Variants in EPHA5 observed in about 807,000 individuals in gnomAD.
EPHA5 encodes the protein ephrin type-A receptor 5.
Under a neutral mutation model 105.0 loss-of-function variants are expected in EPHA5, and 60 were observed. The ratio of observed to expected loss-of-function variants is 0.57; its 90% confidence interval spans 0.46 to 0.71. EPHA5 has a LOEUF of 0.71. Among genes scored for constraint, EPHA5 ranks in the 30% least tolerant of loss-of-function variants. EPHA5 has a pLI of 0.00. For synonymous variants in EPHA5, 513 were observed against 449.1 expected (o/e 1.14, Z -1.80); for missense variants, 1,218 against 1,274.7 (o/e 0.96, Z 0.68).
intron 2 of EPHA5, among the ~76,000 whole-genome samples, chr4:65,625,916 G>A (rs542474098): frequency 5.7e-4 from 87 of 151,996 alleles, no homozygotes; most frequent in Non-Finnish European, 1.1e-3. Flanking sequence ...TCGAGACCAC[G>A]GTGAAACCCC....
At chr4:65,643,862 A>C (rs1337172085) in intron 1 of EPHA5, among the ~76,000 whole-genome samples, 1 of 152,078 alleles carries the variant, frequency 6.6e-6, no homozygotes, top group Non-Finnish European at 1.5e-5. Flanking sequence ...GCAGCAATTA[A>C]CAAATAATTT....
At chr4:65,423,068 T>C (rs1186833359) in intron 5 of EPHA5, among the ~76,000 whole-genome samples, 4 of 152,186 alleles carry the variant, frequency 2.6e-5, no homozygotes, top group South Asian at 4.1e-4. Context: ...CTCTTGGTTA[T>C]GGCAGTTTTT....
intron 1 of EPHA5, among the ~76,000 whole-genome samples, chr4:65,651,161 A>T (rs1748573843): frequency 6.6e-6 from 1 of 152,220 alleles, no homozygotes; most frequent in Non-Finnish European, 1.5e-5. Context: ...TGATACAGTC[A>T]TCGAGAGAAA....
intron 3 of EPHA5, among the ~76,000 whole-genome samples, chr4:65,498,882 C>T (rs1016100001): frequency 6.6e-6 from 1 of 151,646 alleles, no homozygotes; most frequent in African/African-American, 2.4e-5. Context: ...TTATTCATCA[C>T]CTTCAAATCA....
intron 1 of EPHA5, among the ~76,000 whole-genome samples, chr4:65,644,212 A>G (rs1193581493): frequency 6.6e-6 from 1 of 151,784 alleles, no homozygotes; most frequent in Non-Finnish European, 1.5e-5. Flanking sequence ...ATCTACACAC[A>G]CACACACCCC....
At chr4:65,410,020 A>T (rs1226261044) in intron 7 of EPHA5, among the ~76,000 whole-genome samples, 1 of 152,196 alleles carries the variant, frequency 6.6e-6, no homozygotes, top group African/African-American at 2.4e-5. Context: ...ACAAAATTAG[A>T]TATACAATTA....
At chr4:65,448,296 T>C (rs1726755844) in intron 5 of EPHA5, among the ~76,000 whole-genome samples, 1 of 151,768 alleles carries the variant, frequency 6.6e-6, no homozygotes, top group Non-Finnish European at 1.5e-5. Flanking sequence ...CACAGACACA[T>C]TGTAATTTTA....
rs1729976477 is a variant in EPHA5, at chr4:65,477,849, G to A, written c.1402+12528C>T. Among the ~76,000 whole-genome samples, 8 of 152,258 alleles carry A rather than the reference G, an allele frequency of 5.3e-5. No homozygotes were observed. In the South Asian group the frequency reaches 1.7e-3, roughly 32 times the overall value. ...ACACAATTAGTGCTGAAACATGCTAGCCATCATGTCTCTGACATCACTATA... is the reference window on the plus strand; with the variant it reads ...ACACAATTAGTGCTGAAACATGCTAACCATCATGTCTCTGACATCACTATA... On this transcript the variant is annotated intron_variant, in intron 5 of 16. Coordinates refer to ENST00000613740, the MANE Select transcript of EPHA5 (RefSeq NM_001281766.3).
chr4:65,625,122 T>C (rs554702350), intron 2 of EPHA5, among the ~76,000 whole-genome samples: 4 of 152,176 alleles, frequency 2.6e-5, no homozygotes, highest in Non-Finnish European at 5.9e-5. Flanking sequence ...CTAGACAGTT[T>C]AAGTTATCTC....
intron 3 of EPHA5, among the ~76,000 whole-genome samples, chr4:65,568,054 C>T (rs772887993): frequency 6.6e-6 from 1 of 151,360 alleles, no homozygotes; most frequent in African/African-American, 2.4e-5. Flanking sequence ...TCACTCAAAA[C>T]CATGTTTAAC....
intron 5 of EPHA5, among the ~76,000 whole-genome samples, chr4:65,421,105 T>C (rs1315340302): frequency 1.3e-5 from 2 of 152,030 alleles, no homozygotes; most frequent in Admixed American, 6.6e-5. Context: ...GCAAATAAAA[T>C]AAACTTTTTT....
chr4:65,648,133 C>G (rs1029501240), intron 1 of EPHA5, among the ~76,000 whole-genome samples: 4 of 152,046 alleles, frequency 2.6e-5, no homozygotes, highest in African/African-American at 9.7e-5. Context: ...TCAAGGAGAG[C>G]AAAGAGCAAA....
At chr4:65,352,955 A>G in intron 12 of EPHA5, 87 bp downstream of exon 12, 1 of 873,596 alleles carries the variant, frequency 1.1e-6, no homozygotes, top group Non-Finnish European at 1.7e-6. Context: ...CCCAAATTCA[A>G]CTTCAACATC....
At chr4:65,590,211 T>G (rs545625248) in intron 3 of EPHA5, among the ~76,000 whole-genome samples, 4 of 152,276 alleles carry the variant, frequency 2.6e-5, no homozygotes, top group Non-Finnish European at 5.9e-5. Flanking sequence ...AACTACACCT[T>G]TACAGTGCTC....
In EPHA5 at chr4:65,452,439, A is replaced by G. The variant is rs571460428; in HGVS notation, c.1403-31874T>C. Among the ~76,000 whole-genome samples, 3 of 152,246 alleles carry G rather than the reference A, an allele frequency of 2.0e-5. No homozygotes were observed. In the South Asian group the frequency reaches 6.2e-4, roughly 32 times the overall value. ...AATGCTGAGATATGTTAGAAAACTT[A>G]TTTTGTAGTGTTCTTTAAGTTACAT... is the stretch of plus-strand genomic sequence containing the variant. On this transcript the variant is annotated intron_variant, in intron 5 of 16. Transcript: ENST00000613740.
chr4:65,596,216 G>A (rs1484258488), intron 3 of EPHA5, among the ~76,000 whole-genome samples: 2 of 152,080 alleles, frequency 1.3e-5, no homozygotes, highest in Non-Finnish European at 2.9e-5. Flanking sequence ...CATTTGGGGA[G>A]GGGACAAGTA....
chr4:65,488,010 T>C (rs968914012), intron 5 of EPHA5, among the ~76,000 whole-genome samples: 2 of 152,098 alleles, frequency 1.3e-5, no homozygotes, highest in Non-Finnish European at 2.9e-5. Context: ...TTGGGTAGGT[T>C]TGCAAAATGT....
At chr4:65,548,004 A>G (rs1266936381) in intron 3 of EPHA5, among the ~76,000 whole-genome samples, 1 of 151,742 alleles carries the variant, frequency 6.6e-6, no homozygotes, top group African/African-American at 2.4e-5. Flanking sequence ...ACTCCTTTAC[A>G]TCAAATAATG....
intron 3 of EPHA5, among the ~76,000 whole-genome samples, chr4:65,512,811 GGC>G (rs1733750014): frequency 6.6e-6 from 1 of 151,946 alleles, no homozygotes. Context: ...CCGATCTCAT[GGC>G]GAACCATTAA....
Sources: allele counts gnomAD v4.1 joint callset (sites outside exome capture counted in the v4.1 genomes callset), GRCh38; gene constraint gnomAD v4.1.1; transcripts MANE v1.5; gene names NCBI Gene and HGNC (gene_info 2026-07-23, HGNC 2026-07-21).